ACTR2: variants seen among roughly 807,000 people sequenced by gnomAD.
The protein encoded by ACTR2 is actin-related protein 2.
Under a neutral mutation model 50.2 loss-of-function variants are expected in ACTR2, and 5 were observed. The observed-to-expected ratio is 0.10, with a 90% CI of 0.05 to 0.21. The LOEUF is 0.21. Ranked by LOEUF, ACTR2 falls within the 10% of genes least tolerant of loss-of-function variation. The pLI is 1.00. For synonymous variants in ACTR2, 140 were observed against 162.9 expected (o/e 0.86, Z 1.07); for missense variants, 180 against 480.6 (o/e 0.37, Z 5.85).
At chr2:65,245,026 A>G (rs1246647565) in intron 2 of ACTR2, among the ~76,000 whole-genome samples, 1 of 151,958 alleles carries the variant, frequency 6.6e-6, no homozygotes, top group East Asian at 1.9e-4. Flanking sequence ...AATGAACTTC[A>G]TAAGAAATTG....
intron 3 of ACTR2, among the ~76,000 whole-genome samples, chr2:65,249,297 C>G (rs570500575): frequency 1.3e-5 from 2 of 152,102 alleles, no homozygotes; most frequent in African/African-American, 4.8e-5. Context: ...TGTATTAAAA[C>G]TCAGTTTTTG....
At chr2:65,262,687 G>A (rs1278644293) in intron 7 of ACTR2, among the ~76,000 whole-genome samples, 1 of 152,086 alleles carries the variant, frequency 6.6e-6, no homozygotes, top group Non-Finnish European at 1.5e-5. Flanking sequence ...ACCAGGGGTG[G>A]TGGCTTCTGG....
chr2:65,261,855 C>T (rs1228649329), intron 7 of ACTR2, among the ~76,000 whole-genome samples: 4 of 152,242 alleles, frequency 2.6e-5, no homozygotes, highest in African/African-American at 9.6e-5. Flanking sequence ...CTCCCACCAG[C>T]AGTGTACAAG....
At chr2:65,245,228 A>G (rs1464504076) in intron 2 of ACTR2, among the ~76,000 whole-genome samples, 1 of 151,762 alleles carries the variant, frequency 6.6e-6, no homozygotes, top group Non-Finnish European at 1.5e-5. Flanking sequence ...GTTTTAAAAC[A>G]TCTCATGTTG....
intron 7 of ACTR2, among the ~76,000 whole-genome samples, chr2:65,262,167 C>T (rs1248064798): frequency 6.6e-6 from 1 of 152,158 alleles, no homozygotes; most frequent in African/African-American, 2.4e-5. Flanking sequence ...AATATATTCT[C>T]ACATTCTATA....
chr2:65,245,339 G>A (rs1356788660), intron 2 of ACTR2, among the ~76,000 whole-genome samples: 1 of 152,030 alleles, frequency 6.6e-6, no homozygotes, highest in African/African-American at 2.4e-5. Flanking sequence ...GGCCAACATG[G>A]TGAAACCCCA....
chr2:65,232,399 G>T (rs1671656473), intron 1 of ACTR2, among the ~76,000 whole-genome samples: 1 of 152,212 alleles, frequency 6.6e-6, no homozygotes. Flanking sequence ...GTTGATTGTG[G>T]CCTGCTTTAT....
At chr2:65,264,246 G>A (rs1672332039) in intron 7 of ACTR2, among the ~76,000 whole-genome samples, 1 of 152,142 alleles carries the variant, frequency 6.6e-6, no homozygotes, top group Non-Finnish European at 1.5e-5. Flanking sequence ...ACATGAATCT[G>A]TATTTCAACT....
intron 2 of ACTR2, 21 bp from the exon 3 acceptor site, chr2:65,246,503 A>T (rs982310432): frequency 1.3e-6 from 2 of 1,536,876 alleles, no homozygotes; most frequent in Non-Finnish European, 8.8e-7. Context: ...TTTGATCTAC[A>T]GCTTTGACAT....
intron 3 of ACTR2, among the ~76,000 whole-genome samples, chr2:65,248,793 C>A (rs1243668503): frequency 6.6e-6 from 1 of 152,124 alleles, no homozygotes; most frequent in East Asian, 1.9e-4. Context: ...GCGGGTGGAT[C>A]ACTTGAGACT....
At chr2:65,244,875 G>A (rs1671906348) in intron 2 of ACTR2, among the ~76,000 whole-genome samples, 1 of 150,274 alleles carries the variant, frequency 6.7e-6, no homozygotes, top group South Asian at 2.1e-4. Context: ...TGGGGAGGTT[G>A]AGGCTGTGGT....
At chr2:65,260,892 G>C (rs553218929) in intron 6 of ACTR2, among the ~76,000 whole-genome samples, 3 of 151,706 alleles carry the variant, frequency 2.0e-5, no homozygotes, top group Non-Finnish European at 4.4e-5. Context: ...CACCACACCC[G>C]GCTAATTTTT....
chr2:65,252,100 A>G (rs1200065781), intron 4 of ACTR2, among the ~76,000 whole-genome samples: 1 of 152,088 alleles, frequency 6.6e-6, no homozygotes, highest in Admixed American at 6.6e-5. Context: ...TATGTGTGTG[A>G]CCTGATGGAA....
chr2:65,270,806 T>C lies in ACTR2; in HGVS notation c.*2072T>C, dbSNP rs2104031599. On this transcript the variant is annotated 3_prime_UTR_variant, in exon 9 of 9. Transcript: ENST00000260641. Reference sequence around the variant, plus strand: ...ATTATAATTTAGAAATACCATTTTATAATTTTACTATTCCAGGGTGACATA... The same window carrying C: ...ATTATAATTTAGAAATACCATTTTACAATTTTACTATTCCAGGGTGACATA... The C allele has an allele frequency of 6.6e-6, 1 of 152,236 alleles. No homozygotes were observed. The highest frequency in any genetic ancestry group is 3.4e-3 in the Middle Eastern group (1 of 294). The allele number at this position is 152,236 out of a possible 1,614,324, so 9.4% of individuals were successfully genotyped here.
At chr2:65,257,502 C>T (rs1367609483) in intron 6 of ACTR2, among the ~76,000 whole-genome samples, 4 of 152,180 alleles carry the variant, frequency 2.6e-5, no homozygotes, top group Non-Finnish European at 4.4e-5. Context: ...ATTTCTAGTT[C>T]TAGATCCTTG....
At chr2:65,238,803 A>G (rs1210389373) in intron 1 of ACTR2, among the ~76,000 whole-genome samples, 1 of 151,388 alleles carries the variant, frequency 6.6e-6, no homozygotes, top group Non-Finnish European at 1.5e-5. Context: ...CCCTGTCTCT[A>G]CTAAAAATGC....
At chr2:65,251,895 T>G (rs1672059042) in intron 4 of ACTR2, among the ~76,000 whole-genome samples, 1 of 152,104 alleles carries the variant, frequency 6.6e-6, no homozygotes, top group Admixed American at 6.6e-5. Context: ...CCCTCTTTAT[T>G]GGAAATAAAA....
rs182676759 is a variant in ACTR2 at position 65,270,060 on chromosome 2, C to T, written c.*1326C>T. The T allele has an allele frequency of 1.6e-4, 24 of 152,106 alleles. No individual in the cohort carries two copies. Among genetic ancestry groups the T allele is most frequent in the African/African-American group, 5.3e-4 (22 of 41,512 alleles). 9.4% of individuals were successfully genotyped at this position (152,106 alleles called of 1,614,324 possible). A position where few individuals can be genotyped will look rare whatever the true frequency, so the allele number is the denominator to read the frequency against. ...AGAAAATCCTATTTATGAATCCTGT[C>T]GGTATTCCTTGGTATCTGAAAAAAA... On this transcript the variant is annotated 3_prime_UTR_variant, in exon 9 of 9. Coordinates refer to ENST00000260641, the MANE Select transcript of ACTR2 (RefSeq NM_005722.4).
chr2:65,240,819 C>T (rs1186097590), intron 2 of ACTR2, among the ~76,000 whole-genome samples: 1 of 152,118 alleles, frequency 6.6e-6, no homozygotes, highest in African/African-American at 2.4e-5. Flanking sequence ...TTTAGCAAGC[C>T]TTCAGTGTAA....
Sources: allele counts gnomAD v4.1 joint callset (sites outside exome capture counted in the v4.1 genomes callset), GRCh38; gene constraint gnomAD v4.1.1; transcripts MANE v1.5; gene names NCBI Gene and HGNC (gene_info 2026-07-23, HGNC 2026-07-21).